The following DST variants were observed in gnomAD, a reference collection of about 807,000 sequenced individuals.
DST encodes the protein bullous pemphigoid antigen.
In DST, 253 loss-of-function variants were observed where a neutral mutation model predicts 875.2. The ratio of observed to expected loss-of-function variants is 0.29; its 90% CI spans 0.26 to 0.32. DST has a LOEUF of 0.32. Ranked by LOEUF, DST falls within the 10% of genes least tolerant of loss-of-function variation. The pLI, the probability that DST is intolerant of heterozygous loss-of-function variation, is 1.00. For synonymous variants in DST, 3,124 were observed against 3,197.1 expected (o/e 0.98, Z 0.77); for missense variants, 8,287 against 9,111.6 (o/e 0.91, Z 3.68).
Position 56,603,641 on chromosome 6 carries a change from T to C in DST, c.10864A>G (p.Met3622Val). The C allele has an allele frequency of 1.9e-6, 3 of 1,611,226 alleles. No homozygotes were observed. Among genetic ancestry groups the C allele is most frequent in the Admixed American group, 1.7e-5 (1 of 59,732 alleles). ...MHEYLTLLQD[M>V]KPPLDNQESL... ...TCCTGGTTGTCTAAGGGGGGTTTCA[T>C]ATCTTGAAGCAATGTCAAATACTCA... The change falls in exon 41 of 104, where the codon ATG becomes GTG. Residue 3622 changes from methionine (M) to valine (V), a missense_variant. Met to Val is a conservative substitution (Grantham distance 21, BLOSUM62 1). Coordinates refer to ENST00000680361, the MANE Select transcript of DST (RefSeq NM_001374736.1).
chr6:56,606,764 C>A lies in DST; in HGVS notation c.7864G>T (p.Asp2622Tyr). The change falls in exon 40 of 104, where the codon GAC (aspartate) becomes TAC (tyrosine). Residue 2622 changes from aspartate (D) to tyrosine (Y), a missense_variant. This residue lies in a region of DST where 3,138 missense variants were observed against 3,116.6 expected (regional missense o/e 1.01). Transcript: ENST00000680361. Reference protein sequence around the residue: ...FYDTPLFEDDDHDSLLLDGDD... With the variant: ...FYDTPLFEDDYHDSLLLDGDD... The stretch of plus-strand genomic sequence containing the variant: ...CCATCAAGAAGCAAAGAATCATGGT[C>A]ATCATCTTCAAACAAGGGAGTATCA... The A allele has an allele frequency of 1.2e-6, 2 of 1,613,302 alleles. No homozygotes were observed. The highest frequency in any genetic ancestry group is 2.2e-5 in the South Asian group (2 of 91,044).
At chr6:56,902,905 C>T (rs1231198680) in intron 2 of DST, among the ~76,000 whole-genome samples, 1 of 151,622 alleles carries the variant, frequency 6.6e-6, no homozygotes, top group East Asian at 1.9e-4. Context: ...CCCATCCACC[C>T]ACCCGCCCCC....
chr6:56,933,265 A>G (rs1811228194), intron 2 of DST, among the ~76,000 whole-genome samples: 1 of 152,198 alleles, frequency 6.6e-6, no homozygotes, highest in Non-Finnish European at 1.5e-5. Flanking sequence ...CCCCACTTCA[A>G]GATATCCCAC....
At chr6:56,617,212 A>G (rs2098636025) in intron 36 of DST, 3 of 1,597,988 alleles carry the variant, frequency 1.9e-6, no homozygotes, top group African/African-American at 1.3e-5. Context: ...ATTTAAATTC[A>G]TCATCCCTGA....
At chr6:56,814,644 C>T (rs2099764474) in intron 4 of DST, among the ~76,000 whole-genome samples, 1 of 152,124 alleles carries the variant, frequency 6.6e-6, no homozygotes, top group Non-Finnish European at 1.5e-5. Flanking sequence ...AAAAGAAAAG[C>T]CTAATTGCAC....
chr6:56,503,814 C>T lies in DST; in HGVS notation c.19566+183G>A, dbSNP rs1027868205. On this transcript the variant is annotated intron_variant, in intron 78 of 103. Coordinates refer to ENST00000680361, the MANE Select transcript of DST (RefSeq NM_001374736.1). ...AAAAAGAAAACTATTAATAGTATTT[C>T]TTTCCTTTATTTAAAGAACACTTAT... 2.0e-5 allele frequency among the ~76,000 whole-genome samples: 3 copies of T among 152,044 alleles called. 1 individual carries two copies. The highest frequency in any genetic ancestry group is 2.0e-4 in the Admixed American group (3 of 15,240).
At chr6:56,556,618 T>C (rs2097423454) in intron 59 of DST, among the ~76,000 whole-genome samples, 1 of 152,332 alleles carries the variant, frequency 6.6e-6, no homozygotes, top group South Asian at 2.1e-4. Flanking sequence ...ATTTGAATTT[T>C]CAGCTTATAA....
intron 4 of DST, among the ~76,000 whole-genome samples, chr6:56,771,305 G>GC (rs1463963089): frequency 1.3e-5 from 2 of 151,862 alleles, no homozygotes; most frequent in Non-Finnish European, 2.9e-5. Flanking sequence ...TTAACACAGG[G>GC]CCCCCAATTT....
chr6:56,471,055 T>A, intron 95 of DST, 51 bp downstream of exon 95: 1 of 1,542,136 alleles, frequency 6.5e-7, no homozygotes, highest in South Asian at 1.2e-5. Flanking sequence ...TAAAATGTGC[T>A]TATTTCCTTT....
chr6:56,701,998 G>A (rs1193770122), intron 7 of DST, 33 bp from the exon 8 acceptor site: 17 of 1,328,484 alleles, frequency 1.3e-5, no homozygotes, highest in Non-Finnish European at 1.6e-5. Context: ...ATGAAAAAGA[G>A]TTTCTGTTAT....
intron 3 of DST, among the ~76,000 whole-genome samples, chr6:56,876,916 T>G (rs1779866994): frequency 6.6e-6 from 1 of 152,204 alleles, no homozygotes; most frequent in Non-Finnish European, 1.5e-5. Flanking sequence ...CCTCCCCAGC[T>G]TACTGCCTAA....
intron 9 of DST, among the ~76,000 whole-genome samples, chr6:56,686,327 T>A (rs548449731): frequency 6.6e-6 from 1 of 152,188 alleles, no homozygotes; most frequent in South Asian, 2.1e-4. Context: ...GGGAGAAGGG[T>A]TGAAAAACTA....
chr6:56,631,153 G>A, intron 30 of DST, 58 bp downstream of exon 30: 2 of 808,222 alleles, frequency 2.5e-6, no homozygotes, highest in East Asian at 3.4e-5. Flanking sequence ...TAAATTAATA[G>A]TAAATAAAAA....
At chr6:56,774,980 G>A (rs543363126) in intron 4 of DST, among the ~76,000 whole-genome samples, 10 of 111,474 alleles carry the variant, frequency 9.0e-5, no homozygotes, top group Admixed American at 4.8e-4. Context: ...CAACAAGAGC[G>A]AAACTCCATC....
intron 47 of DST, among the ~76,000 whole-genome samples, chr6:56,595,832 T>C (rs2098370732): frequency 6.8e-6 from 1 of 146,292 alleles, no homozygotes; most frequent in South Asian, 2.1e-4. Context: ...GACAGACATA[T>C]GCAACACCAT....
intron 4 of DST, among the ~76,000 whole-genome samples, chr6:56,739,577 C>A (rs558819934): frequency 1.3e-5 from 2 of 152,154 alleles, no homozygotes; most frequent in African/African-American, 4.8e-5. Flanking sequence ...GGCTGCATTC[C>A]CAGATGGTTA....
At chr6:56,560,222 T>C in intron 58 of DST, 72 bp downstream of exon 58, 6 of 1,360,284 alleles carry the variant, frequency 4.4e-6, no homozygotes, top group Non-Finnish European at 5.9e-6. Context: ...TGTTTTCTGA[T>C]AAAGATCATG....
Position 56,606,451 on chromosome 6 carries a change from T to C in DST, c.8177A>G (p.Glu2726Gly), listed in dbSNP as rs1374182298. The change falls in exon 40 of 104, where the codon GAA becomes GGA. Residue 2726 changes from glutamate to glycine, a missense_variant. Physicochemically the swap from Glu to Gly is moderately conservative, Grantham distance 98 (BLOSUM62 -2). This residue lies in a region of DST where 3,138 missense variants were observed against 3,116.6 expected (regional missense o/e 1.01). Transcript: ENST00000680361. ...TTCAAGGATATTTGTGCATTCCCTTTCTGATCCAGTTTCCAGTGACTGTCC... is the reference window on the plus strand; with the variant it reads ...TTCAAGGATATTTGTGCATTCCCTTCCTGATCCAGTTTCCAGTGACTGTCC... ...VNGQSLETGS[E>G]RECTNILEGD... 2.5e-6 allele frequency: 4 copies of C among 1,613,368 alleles called. No individual in the cohort carries two copies. In the East Asian group the frequency reaches 8.9e-5, roughly 36 times the overall value.
chr6:56,948,734 A>G (rs566128754), intron 2 of DST, among the ~76,000 whole-genome samples: 1 of 152,274 alleles, frequency 6.6e-6, no homozygotes, highest in South Asian at 2.1e-4. Flanking sequence ...AGAAGCAACC[A>G]TTTCACCAGA....
Sources: gnomAD v4.1 joint callset for allele counts (sites outside exome capture counted in the v4.1 genomes callset) on GRCh38, gnomAD v4.1.1 for gene constraint, gnomAD v4.1.1 regional missense constraint, MANE v1.5 for transcripts, NCBI Gene and HGNC (gene_info 2026-07-23, HGNC 2026-07-21) for gene names.